LAMA4: variants seen among roughly 807,000 people sequenced by gnomAD.
LAMA4 encodes the protein laminin subunit alpha-4.
Under a neutral mutation model 207.1 loss-of-function variants are expected in LAMA4, and 127 were observed. The ratio of observed to expected loss-of-function variants is 0.61; its 90% CI spans 0.53 to 0.71. The LOEUF is 0.71. LAMA4 is among the 30% of genes least tolerant of loss of function. LAMA4 has a pLI of 0.00. For missense variants in LAMA4, 2,093 were observed against 2,246.5 expected (o/e 0.93, Z 1.38); for synonymous variants, 761 against 816.0 (o/e 0.93, Z 1.15).
intron 3 of LAMA4, among the ~76,000 whole-genome samples, chr6:112,214,538 A>G (rs1562741598): frequency 1.3e-5 from 2 of 152,182 alleles, no homozygotes; most frequent in South Asian, 2.1e-4. Context: ...ATGTATCTAT[A>G]TTTTTGGTCT....
rs529606422 is a variant in LAMA4 at position 112,200,133 on chromosome 6, C to T, written c.503+1475G>A. ...GTGGAGGGAATGGGAAATATCTTAC[C>T]GAGTCATTCAGTGGAAAGCCTCTCG... On this transcript the variant is annotated intron_variant, in intron 5 of 38. Transcript: ENST00000230538. The T allele has an allele frequency of 2.1e-5, 11 of 533,196 alleles. 1 individual carries two copies. The highest frequency in any genetic ancestry group is 7.0e-5 in the South Asian group (5 of 71,528). The allele number at this position is 533,196 out of a possible 1,614,324, so 33.0% of individuals were successfully genotyped here.
chr6:112,229,343 C>G (rs1785413590), intron 2 of LAMA4, among the ~76,000 whole-genome samples: 1 of 152,170 alleles, frequency 6.6e-6, no homozygotes, highest in Non-Finnish European at 1.5e-5. Flanking sequence ...AACCCTAATC[C>G]TCCTCAGCCT....
intron 2 of LAMA4, chr6:112,218,066 A>G (rs1298772272): frequency 1.3e-5 from 2 of 152,192 alleles, no homozygotes; most frequent in African/African-American, 4.8e-5. Context: ...AAACTTCTCT[A>G]TTGTATTTAA....
chr6:112,114,586 A>G, intron 37 of LAMA4, 77 bp downstream of exon 37: 1 of 948,218 alleles, frequency 1.1e-6, no homozygotes, highest in Non-Finnish European at 1.7e-6. Flanking sequence ...CTATCATATA[A>G]GTGATAGCCT....
At chr6:112,174,347 C>T (rs960689920) in intron 11 of LAMA4, among the ~76,000 whole-genome samples, 2 of 152,244 alleles carry the variant, frequency 1.3e-5, no homozygotes, top group African/African-American at 2.4e-5. Flanking sequence ...CCTTCCCGGC[C>T]AGCCCCAGAC....
chr6:112,163,236 C>A (rs1217540747), intron 13 of LAMA4, among the ~76,000 whole-genome samples: 1 of 152,104 alleles, frequency 6.6e-6, no homozygotes, highest in Non-Finnish European at 1.5e-5. Context: ...CCACCTTGGC[C>A]TCCCAGAGTG....
At chr6:112,246,097 A>T (rs1562107963) in intron 2 of LAMA4, among the ~76,000 whole-genome samples, 1 of 152,178 alleles carries the variant, frequency 6.6e-6, no homozygotes, top group Non-Finnish European at 1.5e-5. Flanking sequence ...CTGTGGTTAA[A>T]CTTCCCTTTA....
intron 13 of LAMA4, among the ~76,000 whole-genome samples, chr6:112,163,720 G>A (rs1554339099): frequency 6.6e-6 from 1 of 152,200 alleles, no homozygotes; most frequent in Non-Finnish European, 1.5e-5. Flanking sequence ...CAGAATGGTA[G>A]GGCAGAAGTT....
At chr6:112,115,703 GA>G (rs1353452843) in intron 36 of LAMA4, among the ~76,000 whole-genome samples, 159 bp downstream of exon 36, 2 of 152,128 alleles carry the variant, frequency 1.3e-5, no homozygotes, top group Non-Finnish European at 2.9e-5. Flanking sequence ...ATAGGAAGCT[GA>G]ATCCAAATAT....
rs782764067 is a variant in LAMA4 at position 112,129,986 on chromosome 6, C to T, written c.4023G>A (p.Gly1341=). 1.2e-6 allele frequency: 2 copies of T among 1,613,288 alleles called. No homozygotes were observed. Among genetic ancestry groups the T allele is most frequent in the African/African-American group, 1.3e-5 (1 of 74,970 alleles). Residue 1341 remains glycine (G), a synonymous_variant, in exon 30 of 39, where the codon GGG becomes GGA. Transcript: ENST00000230538. The part of the protein sequence containing the change: ...SRVGSKNPTK[G]KIEQTQASEK... Reference sequence around the variant, plus strand: ...CACTTGCTTGTGTCTGTTCTATTTTCCCTTTGGTAGGATTCTTACTCCCAA... The same window carrying T: ...CACTTGCTTGTGTCTGTTCTATTTTTCCTTTGGTAGGATTCTTACTCCCAA...
At chr6:112,163,469 A>C (rs1238613470) in intron 13 of LAMA4, among the ~76,000 whole-genome samples, 1 of 152,188 alleles carries the variant, frequency 6.6e-6, no homozygotes, top group Non-Finnish European at 1.5e-5. Context: ...ACCGCTAGCC[A>C]GGGTAGAGGC....
chr6:112,250,547 C>T (rs1240969092), intron 2 of LAMA4, among the ~76,000 whole-genome samples: 3 of 152,172 alleles, frequency 2.0e-5, no homozygotes, highest in African/African-American at 7.2e-5. Context: ...CTCTTTTCCC[C>T]TCTGAGGGGC....
At chr6:112,132,704 C>G in intron 28 of LAMA4, 49 bp downstream of exon 28, 1 of 1,574,112 alleles carries the variant, frequency 6.4e-7, no homozygotes, top group South Asian at 1.1e-5. Context: ...TTTTAATAGG[C>G]AAAACAATTA....
At chr6:112,115,055 G>C (rs1362556197) in intron 36 of LAMA4, among the ~76,000 whole-genome samples, 4 of 152,160 alleles carry the variant, frequency 2.6e-5, no homozygotes, top group Non-Finnish European at 4.4e-5. Flanking sequence ...GCAGGTTGAA[G>C]TATTGGTGAA....
intron 2 of LAMA4, chr6:112,236,604 C>A (rs1554366128): frequency 6.6e-6 from 1 of 152,200 alleles, no homozygotes; most frequent in East Asian, 1.9e-4. Context: ...ATAAAAGAAG[C>A]TTTCCTAATT....
At chr6:112,128,343 C>A (rs1294831302) in intron 31 of LAMA4, among the ~76,000 whole-genome samples, 2 of 152,068 alleles carry the variant, frequency 1.3e-5, no homozygotes, top group Non-Finnish European at 2.9e-5. Context: ...CACAGAAAGA[C>A]AAATACTGCA....
intron 4 of LAMA4, among the ~76,000 whole-genome samples, chr6:112,202,186 G>T (rs554306969): frequency 5.3e-5 from 8 of 152,034 alleles, no homozygotes; most frequent in Non-Finnish European, 7.4e-5. Flanking sequence ...TGGCTGCGTC[G>T]ATGAAAGTCC....
chr6:112,198,612 A>C (rs761542742), intron 5 of LAMA4, among the ~76,000 whole-genome samples: 82 of 152,332 alleles, frequency 5.4e-4, no homozygotes, highest in Non-Finnish European at 1.0e-3. Flanking sequence ...ACCTTCTCTA[A>C]GGTGGCTGTG....
intron 9 of LAMA4, among the ~76,000 whole-genome samples, chr6:112,184,917 C>G (rs1782594127): frequency 6.6e-6 from 1 of 152,150 alleles, no homozygotes. Context: ...CTCTGTAGCT[C>G]TTAGTCATAA....
Sources: gnomAD v4.1 joint callset for allele counts (sites outside exome capture counted in the v4.1 genomes callset) on GRCh38, gnomAD v4.1.1 for gene constraint, MANE v1.5 for transcripts, NCBI Gene and HGNC (gene_info 2026-07-23, HGNC 2026-07-21) for gene names.